Variants in DYM observed in about 807,000 individuals in gnomAD.
DYM encodes dyggve-Melchior-Clausen syndrome protein.
In DYM, 78 loss-of-function variants were observed where a neutral mutation model predicts 93.1. That is an observed-to-expected ratio of 0.84 (90% CI 0.70 to 1.01). The LOEUF is 1.01. DYM is among the 50% of genes least tolerant of loss of function. The pLI is 0.00. For synonymous variants in DYM, 321 were observed against 319.7 expected, an observed-to-expected ratio of 1.00 and a Z score of -0.04; for missense variants, 789 against 845.0, an observed-to-expected ratio of 0.93 and a Z score of 0.82.
intron 13 of DYM, among the ~76,000 whole-genome samples, chr18:49,238,476 C>A (rs966595884): frequency 2.0e-5 from 3 of 151,478 alleles, no homozygotes; most frequent in Non-Finnish European, 4.4e-5. Context: ...TTTCTTCACT[C>A]TTGATGTTAA....
chr18:49,311,517 C>T (rs1272357220), intron 8 of DYM, among the ~76,000 whole-genome samples: 1 of 152,088 alleles, frequency 6.6e-6, no homozygotes, highest in Non-Finnish European at 1.5e-5. Context: ...GAAAATGTGG[C>T]ACATATACAC....
chr18:49,268,672 G>A (rs1402816015), intron 11 of DYM, among the ~76,000 whole-genome samples: 6 of 152,072 alleles, frequency 3.9e-5, no homozygotes, highest in Non-Finnish European at 8.8e-5. Flanking sequence ...TGCTGCTGAA[G>A]CAAATAATTA....
intron 17 of DYM, among the ~76,000 whole-genome samples, chr18:49,060,306 G>A (rs555409148): frequency 5.3e-5 from 8 of 152,084 alleles, no homozygotes; most frequent in Non-Finnish European, 7.4e-5. Flanking sequence ...GCAAATGCCC[G>A]CCTCCATGCC....
intron 16 of DYM, among the ~76,000 whole-genome samples, chr18:49,098,476 C>T (rs918997422): frequency 6.6e-6 from 1 of 152,164 alleles, no homozygotes; most frequent in Non-Finnish European, 1.5e-5. Flanking sequence ...TACATAAATG[C>T]CACTAAATGC....
At chr18:49,086,564 T>C (rs1482792663) in intron 17 of DYM, among the ~76,000 whole-genome samples, 1 of 152,090 alleles carries the variant, frequency 6.6e-6, no homozygotes, top group Non-Finnish European at 1.5e-5. Flanking sequence ...CTAGGTGCCA[T>C]AGATTGAATG....
chr18:49,383,471 C>G (rs1348928205), intron 3 of DYM, among the ~76,000 whole-genome samples: 1 of 152,054 alleles, frequency 6.6e-6, no homozygotes, highest in Non-Finnish European at 1.5e-5. Context: ...GAAACTTGGA[C>G]AAATAAAACC....
chr18:49,253,596 G>GC (rs2094333148), intron 13 of DYM, among the ~76,000 whole-genome samples: 1 of 152,102 alleles, frequency 6.6e-6, no homozygotes, highest in Non-Finnish European at 1.5e-5. Context: ...CCTACACTCC[G>GC]CACTTCCAAC....
chr18:49,306,664 C>G (rs1183521020), intron 8 of DYM, among the ~76,000 whole-genome samples: 2 of 152,208 alleles, frequency 1.3e-5, no homozygotes, highest in South Asian at 4.2e-4. Context: ...AACTATGAAA[C>G]CTGAGCATGT....
At chr18:49,408,315 G>A (rs1018240857) in intron 2 of DYM, among the ~76,000 whole-genome samples, 1 of 152,068 alleles carries the variant, frequency 6.6e-6, no homozygotes, top group Non-Finnish European at 1.5e-5. Context: ...TTATGTAGCC[G>A]ATCTTACTGG....
At chr18:49,161,151 G>A (rs1318303632) in intron 15 of DYM, among the ~76,000 whole-genome samples, 1 of 150,310 alleles carries the variant, frequency 6.7e-6, no homozygotes, top group Admixed American at 6.6e-5. Context: ...ATTTCTAGAA[G>A]CAGATGCTTT....
intron 3 of DYM, among the ~76,000 whole-genome samples, chr18:49,385,173 A>G (rs2068472821): frequency 6.6e-6 from 1 of 152,196 alleles, no homozygotes; most frequent in Non-Finnish European, 1.5e-5. Context: ...TCCTGAAAAG[A>G]TTGTATTTAT....
intron 8 of DYM, among the ~76,000 whole-genome samples, chr18:49,313,539 A>G (rs2061741209): frequency 6.7e-6 from 1 of 148,168 alleles, no homozygotes; most frequent in Non-Finnish European, 1.5e-5. Context: ...TCAAGACATC[A>G]CCCTATATGG....
Position 49,042,650 on chromosome 18 carries a change from A to G in DYM, c.*1405T>C, listed in dbSNP as rs2071015976. ...GGCAGTGGATTCGAACAGTGTGCTC[A>G]GTCTCGTCTGGGCTTTTGTGCTTTC... is the stretch of plus-strand genomic sequence containing the variant. On this transcript the variant is annotated 3_prime_UTR_variant, in exon 18 of 18. Coordinates refer to ENST00000675505, the MANE Select transcript of DYM (RefSeq NM_001353214.3). The G allele has an allele frequency of 6.6e-6, 1 of 152,264 alleles. No individual in the cohort carries two copies. The highest frequency in any genetic ancestry group is 1.9e-4 in the East Asian group (1 of 5,202). The allele number at this position is 152,264 out of a possible 1,614,324, so 9.4% of individuals were successfully genotyped here.
rs148444487 is a variant in DYM, at chr18:49,192,634, T to C, written c.1625+16917A>G. On this transcript the variant is annotated intron_variant, in intron 14 of 17. Transcript: ENST00000675505. ...CTACCCTGTTCCACTGGTCAATGTG[T>C]CTTTTTTTATACTGTACAATGTGTT... Among the ~76,000 whole-genome samples, 73 of 152,308 alleles carry C rather than the reference T, an allele frequency of 4.8e-4. No individual in the cohort carries two copies. The East Asian group carries it at 9.3e-3, about 19-fold the overall frequency.
At position 49,391,587 on chromosome 18, in the gene DYM, A is replaced by T; in HGVS notation, c.193+6T>A. 6.2e-7 allele frequency: 1 copy of T among 1,613,364 alleles called. No individual in the cohort carries two copies. Among genetic ancestry groups the T allele is most frequent in the South Asian group, 1.1e-5 (1 of 91,070 alleles). ...ACAACACCCCACACACATTTTTCCC[A>T]CTTACCTAATGACCTGCAGACTGAA... On this transcript the variant is annotated splice_donor_region_variant and intron_variant, in intron 3 of 17. Coordinates refer to ENST00000675505, the MANE Select transcript of DYM (RefSeq NM_001353214.3).
At chr18:49,258,833 CACACACAGAGAGAGAGAG>C (rs2094439229) in intron 11 of DYM, among the ~76,000 whole-genome samples, 3 of 142,156 alleles carry the variant, frequency 2.1e-5, no homozygotes, top group African/African-American at 8.2e-5. Flanking sequence ...GAGACACACA[CACACACAGAGAGAGAGAG>C]AGAGAGAGAG....
At chr18:49,355,736 CT>C (rs2065504492) in intron 6 of DYM, among the ~76,000 whole-genome samples, 1 of 151,884 alleles carries the variant, frequency 6.6e-6, no homozygotes, top group Admixed American at 6.6e-5. Context: ...AATTTTTTTT[CT>C]TTTTAATTCT....
intron 8 of DYM, among the ~76,000 whole-genome samples, chr18:49,319,359 C>T (rs2062290392): frequency 6.6e-6 from 1 of 152,054 alleles, no homozygotes; most frequent in African/African-American, 2.4e-5. Flanking sequence ...AAGGGTGCTA[C>T]TGGGGTTAAT....
At chr18:49,130,856 GT>G (rs2083317754) in intron 15 of DYM, among the ~76,000 whole-genome samples, 1 of 152,148 alleles carries the variant, frequency 6.6e-6, no homozygotes, top group Admixed American at 6.5e-5. Context: ...AGGGTTGGGG[GT>G]TTTGTGGGGA....
Sources: allele counts gnomAD v4.1 joint callset (sites outside exome capture counted in the v4.1 genomes callset), GRCh38; gene constraint gnomAD v4.1.1; transcripts MANE v1.5; gene names NCBI Gene and HGNC (gene_info 2026-07-23, HGNC 2026-07-21).